PM20D2: variants seen among roughly 807,000 people sequenced by gnomAD.
PM20D2 encodes peptidase M20 domain containing 2.
A neutral mutation model predicts 42.9 loss-of-function variants in PM20D2; 33 were observed. The ratio of observed to expected loss-of-function variants is 0.77; its 90% CI spans 0.58 to 1.03. PM20D2 has a LOEUF of 1.03. Ranked by LOEUF, PM20D2 falls within the 50% of genes least tolerant of loss-of-function variation. The pLI is 0.00. For synonymous variants in PM20D2, 250 were observed against 228.2 expected (o/e 1.10, Z -0.86); for missense variants, 548 against 557.0 (o/e 0.98, Z 0.16).
intron 4 of PM20D2, among the ~76,000 whole-genome samples, chr6:89,155,188 G>A (rs548441004): frequency 2.7e-5 from 4 of 150,864 alleles, no homozygotes; most frequent in Admixed American, 1.3e-4. Flanking sequence ...CTTCCTTGTC[G>A]GCAGTTATAC....
the PM20D2 span, among the ~76,000 whole-genome samples, chr6:89,123,645 C>G: frequency 6.7e-6 from 1 of 148,426 alleles, no homozygotes; most frequent in African/African-American, 2.5e-5. Flanking sequence ...TCTCATGAAC[C>G]CAAGAGGTGG....
At chr6:89,155,663 A>G (rs1159895696) in intron 4 of PM20D2, among the ~76,000 whole-genome samples, 1 of 152,136 alleles carries the variant, frequency 6.6e-6, no homozygotes, top group Non-Finnish European at 1.5e-5. Flanking sequence ...AATGGAAGAT[A>G]AAATAGACAC....
At chr6:89,158,245 A>T in intron 4 of PM20D2, 80 bp from the exon 5 acceptor site, 1 of 1,289,030 alleles carries the variant, frequency 7.8e-7, no homozygotes, top group Non-Finnish European at 1.1e-6. Context: ...TCTTCCTATT[A>T]GAGAACAATC....
upstream of PM20D2, among the ~76,000 whole-genome samples, chr6:89,142,077 C>G (rs1039657586): frequency 1.3e-5 from 2 of 152,072 alleles, no homozygotes; most frequent in Admixed American, 1.3e-4. Context: ...CCACCTCAGC[C>G]TCTTAAAGTG....
At chr6:89,124,891 A>G in the PM20D2 span, among the ~76,000 whole-genome samples, 1 of 151,854 alleles carries the variant, frequency 6.6e-6, no homozygotes, top group Admixed American at 6.6e-5. Context: ...GTGTACCACC[A>G]TGCCCTGCTA....
chr6:89,147,507 G>C (rs900218005), intron 1 of PM20D2, among the ~76,000 whole-genome samples: 1 of 151,982 alleles, frequency 6.6e-6, no homozygotes, highest in East Asian at 1.9e-4. Flanking sequence ...GCATTTGTTA[G>C]GTTTTTGTTT....
intron 4 of PM20D2, among the ~76,000 whole-genome samples, chr6:89,155,849 C>T (rs1771030021): frequency 6.6e-6 from 1 of 151,346 alleles, no homozygotes; most frequent in African/African-American, 2.4e-5. Context: ...GTAGCTGGGA[C>T]TACAGGCGCT....
At chr6:89,126,878 T>C in the PM20D2 span, among the ~76,000 whole-genome samples, 1 of 152,090 alleles carries the variant, frequency 6.6e-6, no homozygotes, top group Non-Finnish European at 1.5e-5. Flanking sequence ...AAATATCTTG[T>C]CATATCAGAA....
chr6:89,098,673 A>G, the PM20D2 span: 1 of 1,613,950 alleles, frequency 6.2e-7, no homozygotes, highest in African/African-American at 1.3e-5. Context: ...GAATTGGTAT[A>G]CCCTTTGGGA....
chr6:89,123,801 A>G, the PM20D2 span, among the ~76,000 whole-genome samples: 1 of 150,142 alleles, frequency 6.7e-6, no homozygotes, highest in Non-Finnish European at 1.5e-5. Context: ...GTGCTTTGGG[A>G]GGCTGAGGCA....
chr6:89,136,840 C>A, the PM20D2 span, among the ~76,000 whole-genome samples: 1 of 151,068 alleles, frequency 6.6e-6, no homozygotes, highest in Non-Finnish European at 1.5e-5. Flanking sequence ...GGTAGTATAG[C>A]AAAGGGATGT....
At chr6:89,131,204 G>C in the PM20D2 span, among the ~76,000 whole-genome samples, 1 of 151,974 alleles carries the variant, frequency 6.6e-6, no homozygotes, top group Non-Finnish European at 1.5e-5. Flanking sequence ...ATTAACCCAT[G>C]AACTCATTAA....
At chr6:89,122,524 A>G in the PM20D2 span, among the ~76,000 whole-genome samples, 1 of 152,210 alleles carries the variant, frequency 6.6e-6, no homozygotes, top group Non-Finnish European at 1.5e-5. Flanking sequence ...TATCAGGTCT[A>G]ATCAAGAAGT....
At chr6:89,104,223 CTTTTTTTT>C in the PM20D2 span, among the ~76,000 whole-genome samples, 2 of 123,550 alleles carry the variant, frequency 1.6e-5, no homozygotes, top group East Asian at 2.3e-4. Flanking sequence ...AACTCATCAC[CTTTTTTTT>C]TTTTTTTTTT....
chr6:89,153,946 T>C (rs1398602152), intron 3 of PM20D2, among the ~76,000 whole-genome samples: 1 of 152,218 alleles, frequency 6.6e-6, no homozygotes, highest in Non-Finnish European at 1.5e-5. Context: ...CACCATAATA[T>C]AAATACAGTC....
the PM20D2 span, chr6:89,117,718 C>A: frequency 6.0e-5 from 71 of 1,180,912 alleles, no homozygotes; most frequent in Admixed American, 1.7e-4. Flanking sequence ...CGGGGAGGCT[C>A]CGCGCAGCTC....
At chr6:89,110,281 T>A in the PM20D2 span, among the ~76,000 whole-genome samples, 2 of 152,122 alleles carry the variant, frequency 1.3e-5, no homozygotes, top group Non-Finnish European at 2.9e-5. Context: ...AAAGCACAGA[T>A]TTATTGAAAT....
At chr6:89,112,685 T>C in the PM20D2 span, among the ~76,000 whole-genome samples, 1 of 152,090 alleles carries the variant, frequency 6.6e-6, no homozygotes, top group African/African-American at 2.4e-5. Flanking sequence ...GCACTGGGAT[T>C]ACAAGCATAA....
the PM20D2 span, among the ~76,000 whole-genome samples, chr6:89,127,691 A>G: frequency 0.64 from 96,731 of 151,990 alleles, 31,795 homozygotes; most frequent in South Asian, 0.76. Flanking sequence ...AACTTTCTGT[A>G]ATAATGGAAG....
Sources: gnomAD v4.1 joint callset for allele counts (sites outside exome capture counted in the v4.1 genomes callset) on GRCh38, gnomAD v4.1.1 for gene constraint, MANE v1.5 for transcripts, NCBI Gene and HGNC (gene_info 2026-07-23, HGNC 2026-07-21) for gene names.